The following TXLNA variants were observed in gnomAD, a reference collection of about 807,000 sequenced individuals.
TXLNA encodes alpha-taxilin.
In TXLNA, 9 loss-of-function variants were observed where a neutral mutation model predicts 61.4. That is an observed-to-expected ratio of 0.15 (90% CI 0.09 to 0.26). TXLNA has a LOEUF of 0.26. TXLNA is among the 10% of genes least tolerant of loss of function. The pLI is 1.00. For missense variants in TXLNA, 565 were observed against 688.8 expected, an observed-to-expected ratio of 0.82 and a Z score of 2.01; for synonymous variants, 257 against 267.7, an observed-to-expected ratio of 0.96 and a Z score of 0.39.
At chr1:32,186,311 G>A (rs1642788789) in intron 4 of TXLNA, among the ~76,000 whole-genome samples, 2 of 152,148 alleles carry the variant, frequency 1.3e-5, no homozygotes, top group Admixed American at 1.3e-4. Flanking sequence ...AGGAGAGGAC[G>A]GGGCAGGTGG....
intron 5 of TXLNA, among the ~76,000 whole-genome samples, chr1:32,188,650 AAAG>A (rs978360113): frequency 5.3e-4 from 80 of 152,336 alleles, no homozygotes; most frequent in Non-Finnish European, 9.0e-4. Context: ...AAAAAAAAAA[AAAG>A]TAGTGCAGGC....
At position 32,190,262 on chromosome 1, in the gene TXLNA, C is replaced by T. The variant is rs1467955667; in HGVS notation, c.963+13C>T. 7 of 1,578,418 alleles carry T rather than the reference C, an allele frequency of 4.4e-6. No individual in the cohort carries two copies. Among genetic ancestry groups the T allele is most frequent in the African/African-American group, 2.7e-5 (2 of 74,324 alleles). On this transcript the variant is annotated intron_variant, in intron 6 of 10. Transcript: ENST00000373610. ...GCTGCGCGAGGAGGTAAGGGTATCACGGACAGCAGTCATGGCCCAGAAATT... is the reference window on the plus strand; with the variant it reads ...GCTGCGCGAGGAGGTAAGGGTATCATGGACAGCAGTCATGGCCCAGAAATT...
At position 32,192,200 on chromosome 1, in the gene TXLNA, A is replaced by G; in HGVS notation, c.964-111A>G. 3 of 1,483,512 alleles carry G rather than the reference A, an allele frequency of 2.0e-6. No homozygotes were observed. The highest frequency in any genetic ancestry group is 2.3e-5 in the East Asian group (1 of 42,890). The allele number at this position is 1,483,512 out of a possible 1,614,324, so 91.9% of individuals were successfully genotyped here. ...TGTGTGGTACACATGGGAGTCCATC[A>G]TATCAGATTGAGATGGGGGGCTGGG... On this transcript the variant is annotated intron_variant, in intron 6 of 10. Coordinates refer to ENST00000373610, the MANE Select transcript of TXLNA (RefSeq NM_175852.4). This position sits in a 1 kb window ranked among gnomAD's most constrained non-coding sequence, Gnocchi z 4.2.
chr1:32,192,385 G>A lies in TXLNA; in HGVS notation c.1038G>A (p.Glu346=). 6.2e-7 allele frequency: 1 copy of A among 1,614,186 alleles called. No individual in the cohort carries two copies. Among genetic ancestry groups the A allele is most frequent in the Non-Finnish European group, 8.5e-7 (1 of 1,180,012 alleles). The change falls in exon 7 of 11, where the codon GAG becomes GAA. Residue 346 remains glutamate (E), a synonymous_variant. Transcript: ENST00000373610. The surrounding 1 kb of genome is among the most constrained non-coding windows in gnomAD (Gnocchi z 4.2). ...LVDAKLQQAQ[E]MLKEAEERHQ... ...ATGCCAAGCTCCAGCAGGCCCAGGA[G>A]ATGCTAAAGGAGGCAGAAGAGCGGC...
At chr1:32,187,906 G>A in intron 4 of TXLNA, 48 bp from the exon 5 acceptor site, 1 of 1,592,522 alleles carries the variant, frequency 6.3e-7, no homozygotes, top group Non-Finnish European at 8.6e-7. Flanking sequence ...CCCCCCACCA[G>A]GAAGGCCCCA....
In TXLNA at chr1:32,192,606, CAT is replaced by C; in HGVS notation, c.1084-49_1084-48del. The C allele has an allele frequency of 4.4e-6, 7 of 1,607,996 alleles. No homozygotes were observed. The highest frequency in any genetic ancestry group is 6.0e-6 in the Non-Finnish European group (7 of 1,174,632). ...CTGGTGCTTGTGGCTAAAAACCAAA[CAT>C]AGCCCCTGGGGGCTTCTGACAGGAT... On this transcript the variant is annotated intron_variant, in intron 7 of 10. Transcript: ENST00000373610. The surrounding 1 kb of genome is among the most constrained non-coding windows in gnomAD (Gnocchi z 4.2).
chr1:32,195,949 G>T lies in TXLNA; in HGVS notation c.*754G>T. 5.5e-6 allele frequency: 1 copy of T among 182,144 alleles called. No individual in the cohort carries two copies. Among genetic ancestry groups the T allele is most frequent in the Non-Finnish European group, 1.2e-5 (1 of 84,668 alleles). 11.3% of individuals were successfully genotyped at this position (182,144 alleles called of 1,614,324 possible). On this transcript the variant is annotated 3_prime_UTR_variant, in exon 11 of 11. Transcript: ENST00000373610. ...AGAGATCACCCAAAGGATTATTTCTGAAGGTGTTTTTTTCTTTATTTCTTT... is the reference window on the plus strand; with the variant it reads ...AGAGATCACCCAAAGGATTATTTCTTAAGGTGTTTTTTTCTTTATTTCTTT...
intron 4 of TXLNA, among the ~76,000 whole-genome samples, chr1:32,185,944 C>T (rs1429227657): frequency 2.0e-5 from 3 of 151,974 alleles, no homozygotes; most frequent in Middle Eastern, 3.2e-3. Context: ...GTGATCCGCC[C>T]GTCTCAGCCT....
At chr1:32,184,489 G>T (rs1042678121) in intron 3 of TXLNA, 36 bp from the exon 4 acceptor site, 3 of 1,428,692 alleles carry the variant, frequency 2.1e-6, no homozygotes, top group Non-Finnish European at 3.0e-6. Context: ...GACACCTGGA[G>T]AAGAGGGTGC....
rs778423203 is a variant in TXLNA, at chr1:32,195,120, T to C, written c.1566T>C (p.Pro522=). The C allele has an allele frequency of 3.7e-6, 6 of 1,613,958 alleles. No individual in the cohort carries two copies. ...APSSPRVTEA[P]CYPGAPSTEA... Reference sequence around the variant, plus strand: ...GCTCCCCCAGGGTCACAGAAGCGCCTTGCTACCCAGGAGCACCGAGCACAG... The same window carrying C: ...GCTCCCCCAGGGTCACAGAAGCGCCCTGCTACCCAGGAGCACCGAGCACAG... The change falls in exon 11 of 11, where the codon CCT becomes CCC. Residue 522 remains proline (P), a synonymous_variant. Transcript: ENST00000373610.
Position 32,195,292 on chromosome 1 carries a change from A to C in TXLNA, c.*97A>C, listed in dbSNP as rs1642994381. 5 of 1,393,658 alleles carry C rather than the reference A, an allele frequency of 3.6e-6. No homozygotes were observed. The East Asian group carries it at 9.7e-5, about 27-fold the overall frequency. The allele number at this position is 1,393,658 out of a possible 1,614,324, so 86.3% of individuals were successfully genotyped here. ...TGCTGAGCAGCCCATTGCTGAAGCC[A>C]GGATGTTCTGACCTGGCTGGCATCT... is the stretch of plus-strand genomic sequence containing the variant. On this transcript the variant is annotated 3_prime_UTR_variant, in exon 11 of 11. Coordinates refer to ENST00000373610, the MANE Select transcript of TXLNA (RefSeq NM_175852.4).
rs751683549 is a variant in TXLNA, at chr1:32,195,104, G to C, written c.1550G>C (p.Arg517Thr). The C allele has an allele frequency of 6.2e-7, 1 of 1,614,166 alleles. No homozygotes were observed. The highest frequency in any genetic ancestry group is 1.7e-4 in the Middle Eastern group (1 of 6,060). ...GGGGCTCAAGCACCCAGCTCCCCCA[G>C]GGTCACAGAAGCGCCTTGCTACCCA... ...GPGAQAPSSP[R>T]VTEAPCYPGA... Residue 517 changes from arginine (R) to threonine (T), a missense_variant, in exon 11 of 11, where the codon AGG becomes ACG. By Grantham distance (71) the Arg-to-Thr change is moderately conservative. Around this residue, in one of 2 missense-constraint regions of TXLNA, gnomAD observed 373 missense variants for 504.0 expected, o/e 0.74. Transcript: ENST00000373610.
intron 6 of TXLNA, among the ~76,000 whole-genome samples, chr1:32,191,709 C>T (rs1642910994): frequency 6.6e-6 from 1 of 152,262 alleles, no homozygotes; most frequent in Non-Finnish European, 1.5e-5. Context: ...ACCTTCCCTT[C>T]CCCATCCAAA....
At chr1:32,194,275 T>C in intron 10 of TXLNA, 115 bp downstream of exon 10, 2 of 834,050 alleles carry the variant, frequency 2.4e-6, no homozygotes, top group Non-Finnish European at 3.8e-6. Flanking sequence ...GAGGTGAGAT[T>C]TGCACACAAT....
chr1:32,190,091 A>C lies in TXLNA; in HGVS notation c.805A>C (p.Lys269Gln), dbSNP rs1642872001. 6.3e-7 allele frequency: 1 copy of C among 1,588,048 alleles called. No individual in the cohort carries two copies. The highest frequency in any genetic ancestry group is 8.6e-7 in the Non-Finnish European group (1 of 1,167,410). ...GCAGCGGGCCCGGGAGGAGGAGGAG[A>C]AGCGCAAGGAGGTGACCTCGCACTT... Reference protein sequence around the residue: ...GVQRAREEEEKRKEVTSHFQV... With the variant: ...GVQRAREEEEQRKEVTSHFQV... The change falls in exon 6 of 11, where the codon AAG (lysine) becomes CAG (glutamine). Residue 269 changes from lysine to glutamine, a missense_variant. By Grantham distance (53) the Lys-to-Gln change is moderately conservative. This residue lies in a region of TXLNA where 373 missense variants were observed against 504.0 expected (regional missense o/e 0.74). Transcript: ENST00000373610.
rs1642937533 is a variant in TXLNA, at chr1:32,192,917, G to C, written c.1158+186G>C. ...TGGTGGTGACCAGGTAGTTAGGTGG[G>C]CTCAGAGGACTTCATTTGTAGCTCA... is the stretch of plus-strand genomic sequence containing the variant. On this transcript the variant is annotated intron_variant, in intron 8 of 10. Coordinates refer to ENST00000373610, the MANE Select transcript of TXLNA (RefSeq NM_175852.4). This position sits in a 1 kb window ranked among gnomAD's most constrained non-coding sequence, Gnocchi z 4.2. 6.6e-6 allele frequency among the ~76,000 whole-genome samples: 1 copy of C among 152,126 alleles called. No homozygotes were observed. Among genetic ancestry groups the C allele is most frequent in the African/African-American group, 2.4e-5 (1 of 41,402 alleles).
intron 6 of TXLNA, among the ~76,000 whole-genome samples, chr1:32,191,837 G>A (rs181118848): frequency 3.6e-4 from 55 of 152,296 alleles, no homozygotes; most frequent in Admixed American, 2.7e-3. Context: ...GGTCTGCAGC[G>A]CTCCTCTAGT....
intron 5 of TXLNA, among the ~76,000 whole-genome samples, chr1:32,189,231 AG>A (rs1427470898): frequency 6.6e-6 from 1 of 152,206 alleles, no homozygotes; most frequent in Non-Finnish European, 1.5e-5. Flanking sequence ...ACTTATCTGT[AG>A]GATAAGTCAT....
In TXLNA at chr1:32,193,402, G is replaced by A. The variant is rs957299769; in HGVS notation, c.1251+102G>A. Reference sequence around the variant, plus strand: ...AAGCTCCCATCTGGGGTGTCTCAAGGGCAGGGCTGTTAGGAAGGTTCACAG... The same window carrying A: ...AAGCTCCCATCTGGGGTGTCTCAAGAGCAGGGCTGTTAGGAAGGTTCACAG... On this transcript the variant is annotated intron_variant, in intron 9 of 10. Transcript: ENST00000373610. 5.9e-6 allele frequency: 5 copies of A among 843,274 alleles called. No individual in the cohort carries two copies. In the African/African-American group the frequency reaches 8.3e-5, roughly 14 times the overall value. The allele number at this position is 843,274 out of a possible 1,614,324, so 52.2% of individuals were successfully genotyped here.
Sources: allele counts gnomAD v4.1 joint callset (sites outside exome capture counted in the v4.1 genomes callset), GRCh38; gene constraint gnomAD v4.1.1; regional missense constraint gnomAD v4.1.1; non-coding constraint Gnocchi (gnomAD v3.1); transcripts MANE v1.5; gene names NCBI Gene and HGNC (gene_info 2026-07-23, HGNC 2026-07-21).